The following TLK2 variants were observed in gnomAD, a reference collection of about 807,000 sequenced individuals.
The protein encoded by TLK2 is serine/threonine-protein kinase tousled-like 2.
Under a neutral mutation model 117.3 loss-of-function variants are expected in TLK2, and 6 were observed. The ratio of observed to expected loss-of-function variants is 0.05; its 90% confidence interval spans 0.03 to 0.10. The LOEUF is 0.10. TLK2 is among the 10% of genes least tolerant of loss of function. The probability of loss-of-function intolerance (pLI) is 1.00; values close to 1 mark genes in which losing one functional copy is unlikely to be tolerated. For synonymous variants in TLK2, 257 were observed against 316.7 expected, an observed-to-expected ratio of 0.81 and a Z score of 2.00; for missense variants, 299 against 901.2, an observed-to-expected ratio of 0.33 and a Z score of 8.56.
intron 2 of TLK2, among the ~76,000 whole-genome samples, chr17:62,487,021 C>T (rs1306814448): frequency 6.6e-6 from 1 of 152,196 alleles, no homozygotes; most frequent in Non-Finnish European, 1.5e-5. Flanking sequence ...AGGCTGGGCG[C>T]AGTGGCTTAC....
intron 7 of TLK2, among the ~76,000 whole-genome samples, chr17:62,549,115 C>A (rs1178799184): frequency 6.9e-6 from 1 of 145,346 alleles, no homozygotes; most frequent in Non-Finnish European, 1.5e-5. Context: ...ATTGTAGGGC[C>A]GGGCGCGGTG....
At chr17:62,591,034 G>T (rs1165728872) in intron 16 of TLK2, among the ~76,000 whole-genome samples, 1 of 152,176 alleles carries the variant, frequency 6.6e-6, no homozygotes, top group East Asian at 1.9e-4. Flanking sequence ...GGTGGATCAT[G>T]AGGTCAGGAG....
At chr17:62,501,249 A>G (rs1275601065) in intron 2 of TLK2, among the ~76,000 whole-genome samples, 2 of 152,216 alleles carry the variant, frequency 1.3e-5, no homozygotes, top group African/African-American at 2.4e-5. Context: ...AAAGAAAAAA[A>G]AGAAAATATT....
At chr17:62,558,177 TA>T (rs913518890) in intron 9 of TLK2, among the ~76,000 whole-genome samples, 2 of 150,152 alleles carry the variant, frequency 1.3e-5, no homozygotes, top group South Asian at 2.1e-4. Context: ...TTTTTTTAAT[TA>T]AAAAAAAAGG....
At chr17:62,549,168 G>A (rs1160941439) in intron 7 of TLK2, among the ~76,000 whole-genome samples, 2 of 148,016 alleles carry the variant, frequency 1.4e-5, no homozygotes, top group Non-Finnish European at 3.0e-5. Flanking sequence ...CCGAGGTGGG[G>A]GGATCATGAG....
rs1257924245 is a variant in TLK2, at chr17:62,535,774, C to T, written c.364-396C>T. 3.1e-5 allele frequency among the ~76,000 whole-genome samples: 4 copies of T among 129,408 alleles called. No homozygotes were observed. In the Admixed American group the frequency reaches 3.2e-4, roughly 10 times the overall value. 84.9% of individuals were successfully genotyped at this position (129,408 alleles called of 152,430 possible). A position where few individuals can be genotyped will look rare whatever the true frequency, so the allele number is the denominator to read the frequency against. On this transcript the variant is annotated intron_variant, in intron 6 of 21. Transcript: ENST00000346027. ...GGGCAACAAGAATGAAACTCCATCT[C>T]AAAAAAAAAAGAAAAAAGAAAAAAG...
intron 7 of TLK2, among the ~76,000 whole-genome samples, chr17:62,539,715 T>C (rs971819627): frequency 1.3e-5 from 2 of 152,120 alleles, no homozygotes; most frequent in Admixed American, 6.5e-5. Flanking sequence ...CTGACCTCTA[T>C]GGTCTCAAAC....
chr17:62,471,456 G>T (rs1229023152), intron 1 of TLK2, among the ~76,000 whole-genome samples: 1 of 152,174 alleles, frequency 6.6e-6, no homozygotes, highest in Non-Finnish European at 1.5e-5. Flanking sequence ...AGGCAAAAAG[G>T]CATCAGAGAA....
intron 2 of TLK2, 30 bp from the exon 3 acceptor site, chr17:62,520,743 T>G: frequency 6.2e-7 from 1 of 1,600,988 alleles, no homozygotes; most frequent in Non-Finnish European, 8.5e-7. Flanking sequence ...GGATTAAAAT[T>G]TATTTATTTA....
intron 2 of TLK2, among the ~76,000 whole-genome samples, chr17:62,514,117 T>A (rs2075371460): frequency 6.6e-6 from 1 of 152,182 alleles, no homozygotes; most frequent in African/African-American, 2.4e-5. Flanking sequence ...TTATTATTGT[T>A]ATTACTTTAC....
chr17:62,482,233 G>A (rs1370687022), intron 2 of TLK2, among the ~76,000 whole-genome samples: 1 of 152,118 alleles, frequency 6.6e-6, no homozygotes, highest in East Asian at 1.9e-4. Flanking sequence ...ACAGGCAGGA[G>A]CCACTGTGCC....
chr17:62,521,435 C>T (rs184135725), intron 3 of TLK2, among the ~76,000 whole-genome samples: 3 of 152,302 alleles, frequency 2.0e-5, no homozygotes, highest in East Asian at 3.9e-4. Flanking sequence ...GACATGGCCT[C>T]GCTCTGTCAT....
intron 15 of TLK2, among the ~76,000 whole-genome samples, chr17:62,583,723 G>A (rs562924785): frequency 4.6e-5 from 7 of 151,992 alleles, no homozygotes; most frequent in East Asian, 1.9e-4. Flanking sequence ...GATTACAGGC[G>A]CCCGACCCCA....
intron 13 of TLK2, 102 bp downstream of exon 13, chr17:62,576,877 A>ATAG: frequency 1.2e-6 from 1 of 819,424 alleles, no homozygotes; most frequent in East Asian, 2.5e-5. Context: ...GTAGCTGCAC[A>ATAG]TAGCAGCAGA....
intron 5 of TLK2, 135 bp downstream of exon 5, chr17:62,523,312 C>T (rs1482289385): frequency 1.6e-6 from 2 of 1,228,552 alleles, no homozygotes; most frequent in Non-Finnish European, 2.2e-6. Flanking sequence ...GGCGAGGTGG[C>T]TTATGCTTGT....
rs960008179 is a variant in TLK2 at position 62,525,228 on chromosome 17, T to C, written c.363+897T>C. ...CTGATTTTTAGGAAAGTTGTTTTTC[T>C]TTGCCTTGGTAGAGTTGTGTAATAG... On this transcript the variant is annotated intron_variant, in intron 6 of 21. Transcript: ENST00000346027. Among the ~76,000 whole-genome samples the C allele has an allele frequency of 2.6e-4, 39 of 152,194 alleles. 1 individual carries two copies. The highest frequency in any genetic ancestry group is 9.2e-4 in the African/African-American group (38 of 41,456).
At chr17:62,558,394 C>G (rs2079021081) in intron 9 of TLK2, among the ~76,000 whole-genome samples, 1 of 152,174 alleles carries the variant, frequency 6.6e-6, no homozygotes, top group Non-Finnish European at 1.5e-5. Flanking sequence ...AACTCCTGGG[C>G]TTAATTGATG....
chr17:62,481,231 A>G (rs2071603870), intron 2 of TLK2, 25 bp downstream of exon 2: 3 of 1,612,114 alleles, frequency 1.9e-6, no homozygotes, highest in Non-Finnish European at 2.5e-6. Context: ...GATCATGAAC[A>G]CTATTCATAT....
intron 2 of TLK2, among the ~76,000 whole-genome samples, chr17:62,483,505 G>GT (rs938130937): frequency 6.6e-5 from 10 of 152,270 alleles, no homozygotes; most frequent in Non-Finnish European, 1.0e-4. Context: ...CCTATTTCCA[G>GT]TTTTTTTGTT....
Sources: gnomAD v4.1 joint callset for allele counts (sites outside exome capture counted in the v4.1 genomes callset) on GRCh38, gnomAD v4.1.1 for gene constraint, MANE v1.5 for transcripts, NCBI Gene and HGNC (gene_info 2026-07-23, HGNC 2026-07-21) for gene names.